Variants in ENTPD1 observed in about 807,000 individuals in gnomAD.
The protein encoded by ENTPD1 is ATP diphosphohydrolase.
A neutral mutation model predicts 57.0 loss-of-function variants in ENTPD1; 33 were observed. That is an observed-to-expected ratio of 0.58 (90% CI 0.44 to 0.77). The LOEUF is 0.77. ENTPD1 is among the 30% of genes least tolerant of loss of function. The pLI, the probability that ENTPD1 is intolerant of heterozygous loss-of-function variation, is 0.00. For missense variants in ENTPD1, 501 were observed against 603.4 expected (o/e 0.83, Z 1.78); for synonymous variants, 202 against 218.8 (o/e 0.92, Z 0.68).
rs1313597485 is a variant in ENTPD1, at chr10:95,869,238, T to A, written c.*2855T>A. 1.2e-6 allele frequency: 1 copy of A among 857,964 alleles called. No individual in the cohort carries two copies. The highest frequency in any genetic ancestry group is 1.4e-6 in the Non-Finnish European group (1 of 730,434). 53.1% of individuals were successfully genotyped at this position (857,964 alleles called of 1,614,324 possible). A position where few individuals can be genotyped will look rare whatever the true frequency, so the allele number is the denominator to read the frequency against. On this transcript the variant is annotated 3_prime_UTR_variant, in exon 10 of 10. Transcript: ENST00000371205. ...GGAGAAAAAAGATCAGCAGAAGTCATTACTTTTTTTTTTTTTTTTTTTTTT... is the reference window on the plus strand; with the variant it reads ...GGAGAAAAAAGATCAGCAGAAGTCAATACTTTTTTTTTTTTTTTTTTTTTT...
rs1256395212 is a variant in ENTPD1, at chr10:95,871,459, T to G, written c.*5076T>G. ...CCTAGGAAACCATACATCTATGTAT[T>G]TTTCTTATTTTATACGTTTAGGACA... On this transcript the variant is annotated 3_prime_UTR_variant, in exon 10 of 10. Coordinates refer to ENST00000371205, the MANE Select transcript of ENTPD1 (RefSeq NM_001776.6). The G allele has an allele frequency of 1.0e-6, 1 of 985,316 alleles. No homozygotes were observed. Among genetic ancestry groups the G allele is most frequent in the Non-Finnish European group, 1.2e-6 (1 of 829,938 alleles). 61.0% of individuals were successfully genotyped at this position (985,316 alleles called of 1,614,324 possible).
At position 95,864,891 on chromosome 10, in the gene ENTPD1, A is replaced by T. The variant is rs771924890; in HGVS notation, c.1326+30A>T. 3 of 1,588,942 alleles carry T rather than the reference A, an allele frequency of 1.9e-6. No individual in the cohort carries two copies. The East Asian group carries it at 6.8e-5, about 36-fold the overall frequency. ...TTTGGGGGCCTGTTGGGCTGGGGGG[A>T]GGTTGGGGTTCGGTGGTAGTGACTG... is the stretch of plus-strand genomic sequence containing the variant. On this transcript the variant is annotated intron_variant, in intron 9 of 9. Transcript: ENST00000371205.
At chr10:95,711,727 C>A, upstream of ENTPD1, 1 of 545,570 alleles carries the variant, frequency 1.8e-6, no homozygotes, top group South Asian at 2.0e-5. Context: ...AGGTCACAGG[C>A]ATGTGACACT....
At chr10:95,750,762 C>T (rs939436217), upstream of ENTPD1, among the ~76,000 whole-genome samples, 7 of 152,180 alleles carry the variant, frequency 4.6e-5, no homozygotes, top group South Asian at 2.1e-4. Flanking sequence ...CGGTGGCTCA[C>T]GCCTGTAATC....
In ENTPD1 at chr10:95,864,712, C is replaced by T. The variant is rs758957707; in HGVS notation, c.1189-12C>T. The T allele has an allele frequency of 1.9e-6, 3 of 1,614,084 alleles. No homozygotes were observed. Among genetic ancestry groups the T allele is most frequent in the Non-Finnish European group, 2.5e-6 (3 of 1,179,992 alleles). On this transcript the variant is annotated splice_polypyrimidine_tract_variant and intron_variant, in intron 8 of 9. Coordinates refer to ENST00000371205, the MANE Select transcript of ENTPD1 (RefSeq NM_001776.6). Reference sequence around the variant, plus strand: ...TCATACGAGTATGATCTCCCCCTCACTTCACTTCTAGATAAAAACATCTTA... The same window carrying T: ...TCATACGAGTATGATCTCCCCCTCATTTCACTTCTAGATAAAAACATCTTA...
chr10:95,738,728 C>G (rs2097997203), intron 1 of ENTPD1, among the ~76,000 whole-genome samples: 1 of 152,124 alleles, frequency 6.6e-6, no homozygotes, highest in African/African-American at 2.4e-5. Context: ...CTAATTTACA[C>G]TTTTTAAAAT....
In ENTPD1 at chr10:95,870,586, A is replaced by T. The variant is rs576449759; in HGVS notation, c.*4203A>T. 13 of 985,470 alleles carry T rather than the reference A, an allele frequency of 1.3e-5. 1 individual carries two copies. The South Asian group carries it at 5.6e-4, about 43-fold the overall frequency. The allele number at this position is 985,470 out of a possible 1,614,324, so 61.0% of individuals were successfully genotyped here. A position where few individuals can be genotyped will look rare whatever the true frequency, so the allele number is the denominator to read the frequency against. On this transcript the variant is annotated 3_prime_UTR_variant, in exon 10 of 10. Coordinates refer to ENST00000371205, the MANE Select transcript of ENTPD1 (RefSeq NM_001776.6). ...AAGCCACTGCACCTGGCCAAGATGA[A>T]TATTTTAATAGCTCACAGAACAAAG...
chr10:95,765,255 T>C (rs1361254505), intron 1 of ENTPD1, among the ~76,000 whole-genome samples: 1 of 152,216 alleles, frequency 6.6e-6, no homozygotes, highest in Non-Finnish European at 1.5e-5. Context: ...TCTAAGAAAC[T>C]ATTGCCTAAT....
chr10:95,846,636 C>T (rs1000713191), intron 6 of ENTPD1, among the ~76,000 whole-genome samples: 4 of 152,196 alleles, frequency 2.6e-5, no homozygotes, highest in African/African-American at 9.6e-5. Flanking sequence ...CAAAGCTCCA[C>T]TAACCTTCTT....
intron 1 of ENTPD1, among the ~76,000 whole-genome samples, chr10:95,807,339 G>A (rs1350733419): frequency 6.6e-6 from 1 of 152,240 alleles, no homozygotes; most frequent in Non-Finnish European, 1.5e-5. Context: ...GAATCTCCTT[G>A]TCTGCCAGTT....
At chr10:95,712,147 C>T (rs1050152671) in intron 1 of ENTPD1, among the ~76,000 whole-genome samples, 1 of 152,188 alleles carries the variant, frequency 6.6e-6, no homozygotes, top group Admixed American at 6.5e-5. Context: ...GGTGTAGCGA[C>T]TCTGGTGTCC....
rs1173680737 is a variant in ENTPD1, at chr10:95,869,043, C to G, written c.*2660C>G. 1.0e-6 allele frequency: 1 copy of G among 985,154 alleles called. No individual in the cohort carries two copies. The highest frequency in any genetic ancestry group is 1.2e-6 in the Non-Finnish European group (1 of 829,936). 61.0% of individuals were successfully genotyped at this position (985,154 alleles called of 1,614,324 possible). On this transcript the variant is annotated 3_prime_UTR_variant, in exon 10 of 10. Coordinates refer to ENST00000371205, the MANE Select transcript of ENTPD1 (RefSeq NM_001776.6). ...GGGGTAGGTGAAATAAGATTGGTCA[C>G]TGTTAACTAATTTTAATATTGGATT...
chr10:95,769,076 C>T (rs934548402), intron 1 of ENTPD1, among the ~76,000 whole-genome samples: 2 of 152,202 alleles, frequency 1.3e-5, no homozygotes, highest in Non-Finnish European at 2.9e-5. Context: ...ATCCTCCAGG[C>T]AGAAAAGTTC....
chr10:95,813,224 G>A (rs2098315262), intron 1 of ENTPD1, among the ~76,000 whole-genome samples: 1 of 152,144 alleles, frequency 6.6e-6, no homozygotes, highest in Non-Finnish European at 1.5e-5. Context: ...AGGGGCAAAG[G>A]GAACAGGAAT....
At chr10:95,827,124 A>G (rs1402717211) in intron 2 of ENTPD1, among the ~76,000 whole-genome samples, 1 of 152,186 alleles carries the variant, frequency 6.6e-6, no homozygotes, top group South Asian at 2.1e-4. Flanking sequence ...ATGTGGCCCA[A>G]TGCATCCAAA....
chr10:95,729,089 T>A (rs2097986673), intron 1 of ENTPD1, among the ~76,000 whole-genome samples: 1 of 152,074 alleles, frequency 6.6e-6, no homozygotes, highest in Non-Finnish European at 1.5e-5. Flanking sequence ...TTTCTAAAAA[T>A]TTTAAAATAT....
rs2140882650 is a variant in ENTPD1 at position 95,847,706 on chromosome 10, G to T, written c.1074G>T (p.Gly358=). ...IFLPPLQGDF[G]AFSAFYFVMK... ...TGCCACCACTCCAGGGGGATTTTGG[G>T]GTAAGTTTGTGAAATGATGAGGTAT... The change falls in exon 7 of 10, where the codon GGG becomes GGT. Residue 358 remains glycine (G), a splice_region_variant and synonymous_variant. Coordinates refer to ENST00000371205, the MANE Select transcript of ENTPD1 (RefSeq NM_001776.6). 1 of 1,613,992 alleles carries T rather than the reference G, an allele frequency of 6.2e-7. No individual in the cohort carries two copies. The highest frequency in any genetic ancestry group is 8.5e-7 in the Non-Finnish European group (1 of 1,179,936).
intron 1 of ENTPD1, among the ~76,000 whole-genome samples, chr10:95,786,680 A>G (rs779429839): frequency 1.3e-5 from 2 of 152,212 alleles, no homozygotes; most frequent in Non-Finnish European, 2.9e-5. Flanking sequence ...TTAAAATGAC[A>G]GAAACCACCT....
chr10:95,699,997 G>A, the ENTPD1 span, among the ~76,000 whole-genome samples: 5 of 152,138 alleles, frequency 3.3e-5, no homozygotes, highest in African/African-American at 4.8e-5. Flanking sequence ...AAAATACATC[G>A]AAGGTCTATA....
Sources: gnomAD v4.1 joint callset for allele counts (sites outside exome capture counted in the v4.1 genomes callset) on GRCh38, gnomAD v4.1.1 for gene constraint, MANE v1.5 for transcripts, NCBI Gene and HGNC (gene_info 2026-07-23, HGNC 2026-07-21) for gene names.